Variants in VKORC1L1 observed in about 807,000 individuals in gnomAD.
VKORC1L1 encodes the protein vitamin K epoxide reductase complex subunit 1-like protein 1.
VKORC1L1 carries 2 observed loss-of-function variants against 18.9 expected under a neutral mutation model. The ratio of observed to expected loss-of-function variants is 0.11; its 90% CI spans 0.04 to 0.33. The LOEUF (loss-of-function observed/expected upper bound fraction) is 0.33, where lower values mean the gene tolerates loss of function less well. VKORC1L1 is among the 10% of genes least tolerant of loss of function. VKORC1L1 has a pLI of 1.00. For synonymous variants in VKORC1L1, 96 were observed against 100.0 expected (o/e 0.96, Z 0.24); for missense variants, 123 against 224.1 (o/e 0.55, Z 2.88).
chr7:65,905,572 G>A (rs1789393225), intron 1 of VKORC1L1, among the ~76,000 whole-genome samples: 1 of 152,080 alleles, frequency 6.6e-6, no homozygotes, highest in Admixed American at 6.6e-5. Context: ...GCCTCCCAAA[G>A]TGCTGGGATT....
chr7:65,881,072 T>C (rs1434821679), intron 1 of VKORC1L1, among the ~76,000 whole-genome samples: 2 of 152,240 alleles, frequency 1.3e-5, no homozygotes, highest in East Asian at 3.9e-4. Context: ...TATTCCCAAA[T>C]CTGAAAAAAT....
At chr7:65,907,260 G>T (rs540232995) in intron 1 of VKORC1L1, among the ~76,000 whole-genome samples, 2 of 152,154 alleles carry the variant, frequency 1.3e-5, no homozygotes, top group Admixed American at 6.5e-5. Context: ...GGCCAACATG[G>T]TGAAACCCCG....
At chr7:65,883,992 T>C (rs562963204) in intron 1 of VKORC1L1, among the ~76,000 whole-genome samples, 49 of 152,350 alleles carry the variant, frequency 3.2e-4, no homozygotes, top group Non-Finnish European at 5.4e-4. Flanking sequence ...ATTTGAGAAG[T>C]AAAGTAGTAG....
upstream of VKORC1L1, among the ~76,000 whole-genome samples, chr7:65,869,197 C>T (rs1160594130): frequency 6.6e-6 from 1 of 151,468 alleles, no homozygotes; most frequent in Non-Finnish European, 1.5e-5. Context: ...CACCTGTAGT[C>T]TCAGCTACTC....
chr7:65,896,547 C>T (rs1343462152), intron 1 of VKORC1L1, among the ~76,000 whole-genome samples: 5 of 122,370 alleles, frequency 4.1e-5, no homozygotes, highest in Non-Finnish European at 6.8e-5. Context: ...TCCCTCCCTT[C>T]CTCCCTCCTT....
intron 1 of VKORC1L1, among the ~76,000 whole-genome samples, chr7:65,920,597 C>T (rs1360127795): frequency 1.3e-5 from 2 of 152,098 alleles, no homozygotes; most frequent in African/African-American, 4.8e-5. Flanking sequence ...TGGGGAGGCT[C>T]CTTCTTGGCC....
In VKORC1L1 at chr7:65,954,733, A is replaced by G. The variant is rs191284945; in HGVS notation, c.*433A>G. The G allele has an allele frequency of 1.1e-5, 2 of 178,050 alleles. No homozygotes were observed. The highest frequency in any genetic ancestry group is 2.4e-5 in the African/African-American group (1 of 42,320). 11.0% of individuals were successfully genotyped at this position (178,050 alleles called of 1,614,324 possible). On this transcript the variant is annotated 3_prime_UTR_variant, in exon 3 of 3. Transcript: ENST00000360768. ...TATTGCCATGTTTACAATATGTAAT[A>G]TGTTTTTAGCCGATGGATTTAAACA...
rs572548872 is a variant in VKORC1L1 at position 65,889,471 on chromosome 7, C to G, written c.194+15906C>G. 3.9e-4 allele frequency among the ~76,000 whole-genome samples: 60 copies of G among 152,362 alleles called. 1 individual carries two copies. The East Asian group carries it at 8.1e-3, about 21-fold the overall frequency. On this transcript the variant is annotated intron_variant, in intron 1 of 2. Transcript: ENST00000360768. Reference sequence around the variant, plus strand: ...CCATGATTCTCTTCCTCCCCTCCCCCACCAAATTCAATCAATCACCAGGCC... The same window carrying G: ...CCATGATTCTCTTCCTCCCCTCCCCGACCAAATTCAATCAATCACCAGGCC...
intron 1 of VKORC1L1, among the ~76,000 whole-genome samples, chr7:65,881,678 G>A (rs190498904): frequency 1.3e-5 from 2 of 152,324 alleles, no homozygotes; most frequent in Non-Finnish European, 2.9e-5. Context: ...ATACAAAACT[G>A]GTGAAACCTG....
intron 1 of VKORC1L1, among the ~76,000 whole-genome samples, chr7:65,917,383 CAG>C (rs1049455271): frequency 3.3e-5 from 5 of 152,140 alleles, no homozygotes; most frequent in African/African-American, 1.2e-4. Context: ...ATAGGACAGT[CAG>C]AATTCCTGTA....
At chr7:65,867,957 C>G in the VKORC1L1 span, among the ~76,000 whole-genome samples, 5 of 152,220 alleles carry the variant, frequency 3.3e-5, no homozygotes, top group Non-Finnish European at 7.3e-5. Flanking sequence ...AGTGATTCTC[C>G]TGCCTCAGCC....
chr7:65,932,019 A>G (rs1292421692), intron 1 of VKORC1L1, among the ~76,000 whole-genome samples: 1 of 152,048 alleles, frequency 6.6e-6, no homozygotes, highest in African/African-American at 2.4e-5. Context: ...TCTGTTTTAA[A>G]TTTCATTAAT....
At chr7:65,874,651 C>G (rs1184093495) in intron 1 of VKORC1L1, among the ~76,000 whole-genome samples, 1 of 151,846 alleles carries the variant, frequency 6.6e-6, no homozygotes, top group African/African-American at 2.4e-5. Flanking sequence ...ACCAAAAATA[C>G]AAAAATTAGC....
At chr7:65,884,597 A>G (rs930879755) in intron 1 of VKORC1L1, among the ~76,000 whole-genome samples, 1 of 152,204 alleles carries the variant, frequency 6.6e-6, no homozygotes, top group East Asian at 1.9e-4. Context: ...AGATCATGCC[A>G]TTGTACTTCA....
chr7:65,930,129 C>T (rs963056591), intron 1 of VKORC1L1, among the ~76,000 whole-genome samples: 3 of 152,056 alleles, frequency 2.0e-5, no homozygotes, highest in Non-Finnish European at 2.9e-5. Context: ...TGGTCTTGTG[C>T]CGGGTAACCT....
At chr7:65,927,549 C>A (rs1026633295) in intron 1 of VKORC1L1, among the ~76,000 whole-genome samples, 1 of 152,140 alleles carries the variant, frequency 6.6e-6, no homozygotes, top group Non-Finnish European at 1.5e-5. Flanking sequence ...TGAATGGCAG[C>A]CTTGCAAGAT....
chr7:65,930,917 A>G (rs1018653616), intron 1 of VKORC1L1, among the ~76,000 whole-genome samples: 3 of 152,166 alleles, frequency 2.0e-5, no homozygotes, highest in Non-Finnish European at 4.4e-5. Flanking sequence ...CCTAGCTTGC[A>G]GAGAAATTTA....
At chr7:65,906,280 G>A (rs1789404653) in intron 1 of VKORC1L1, among the ~76,000 whole-genome samples, 1 of 151,916 alleles carries the variant, frequency 6.6e-6, no homozygotes, top group Non-Finnish European at 1.5e-5. Flanking sequence ...AGGCTGAGGT[G>A]GGAGGATTGC....
At chr7:65,866,122 A>AC in the VKORC1L1 span, among the ~76,000 whole-genome samples, 2 of 151,952 alleles carry the variant, frequency 1.3e-5, no homozygotes, top group Non-Finnish European at 2.9e-5. Context: ...TCAAAAAAAA[A>AC]ATTATTCCTG....
Sources: gnomAD v4.1 joint callset for allele counts (sites outside exome capture counted in the v4.1 genomes callset) on GRCh38, gnomAD v4.1.1 for gene constraint, MANE v1.5 for transcripts, NCBI Gene and HGNC (gene_info 2026-07-23, HGNC 2026-07-21) for gene names.